MGLL: variants seen among roughly 807,000 people sequenced by gnomAD.
MGLL encodes lysophospholipase homolog.
A neutral mutation model predicts 29.1 loss-of-function variants in MGLL; 7 were observed. That is an observed-to-expected ratio of 0.24 (90% confidence interval 0.14 to 0.45). The LOEUF is 0.45. Among genes scored for constraint, MGLL ranks in the 20% least tolerant of loss-of-function variants. MGLL has a pLI of 0.99. For synonymous variants in MGLL, 148 were observed against 168.3 expected, an observed-to-expected ratio of 0.88 and a Z score of 0.93; for missense variants, 356 against 413.6, an observed-to-expected ratio of 0.86 and a Z score of 1.21.
intron 6 of MGLL, 47 bp downstream of exon 6, chr3:127,710,529 G>T: frequency 6.9e-7 from 1 of 1,443,652 alleles, no homozygotes; most frequent in South Asian, 1.2e-5. Context: ...GATTCCCCAT[G>T]GGGGCAGCCA....
chr3:127,780,413 C>T (rs1485469743), intron 3 of MGLL, among the ~76,000 whole-genome samples: 1 of 152,178 alleles, frequency 6.6e-6, no homozygotes, highest in East Asian at 1.9e-4. Flanking sequence ...CTATCTGAGG[C>T]TTTTACATGT....
At chr3:127,706,720 A>G (rs920734090) in intron 6 of MGLL, among the ~76,000 whole-genome samples, 6 of 152,196 alleles carry the variant, frequency 3.9e-5, no homozygotes, top group African/African-American at 1.2e-4. Flanking sequence ...GGGGAATGTA[A>G]GTGATGAACG....
intron 2 of MGLL, among the ~76,000 whole-genome samples, chr3:127,806,428 G>A (rs142615300): frequency 6.6e-6 from 1 of 152,314 alleles, no homozygotes; most frequent in East Asian, 1.9e-4. Context: ...TGGATGGATG[G>A]GTGGATTGGT....
intron 7 of MGLL, among the ~76,000 whole-genome samples, chr3:127,694,577 G>A (rs1228707609): frequency 1.3e-5 from 2 of 152,006 alleles, no homozygotes; most frequent in Admixed American, 6.6e-5. Flanking sequence ...GAGCCCTCTG[G>A]TGGCCATGGC....
At chr3:127,716,978 A>G (rs1010149789) in intron 5 of MGLL, among the ~76,000 whole-genome samples, 3 of 152,142 alleles carry the variant, frequency 2.0e-5, no homozygotes, top group African/African-American at 7.2e-5. Context: ...TTCCTGATAG[A>G]TCAGGGGCTC....
chr3:127,812,278 GA>G (rs2077675958), intron 2 of MGLL, among the ~76,000 whole-genome samples: 1 of 152,176 alleles, frequency 6.6e-6, no homozygotes, highest in Non-Finnish European at 1.5e-5. Context: ...CCACATAAAA[GA>G]AAAGTGTTGA....
chr3:127,736,820 G>A (rs1183156096), intron 3 of MGLL, among the ~76,000 whole-genome samples: 1 of 152,056 alleles, frequency 6.6e-6, no homozygotes, highest in Admixed American at 6.6e-5. Context: ...TCAGCTTCCC[G>A]AGTAACTGGG....
intron 5 of MGLL, among the ~76,000 whole-genome samples, chr3:127,718,034 A>T (rs893294): frequency 0.28 from 43,162 of 152,054 alleles, 6,423 homozygotes; most frequent in Middle Eastern, 0.43. Context: ...CCCCCCATCC[A>T]TCCTCATTGT....
rs953016070 is a variant in MGLL, at chr3:127,812,502, G to T, written c.155+9192C>A. ...GTGAGTAACCTGAGGCCTGGGGAAA[G>T]CCTGTGGCCTGGTGTGGTGAGGGCA... On this transcript the variant is annotated intron_variant, in intron 2 of 7. Transcript: ENST00000265052. 9.2e-5 allele frequency among the ~76,000 whole-genome samples: 14 copies of T among 152,236 alleles called. No individual in the cohort carries two copies. The East Asian group carries it at 2.7e-3, about 29-fold the overall frequency.
In MGLL at chr3:127,694,286, A is replaced by AAAAAT. The variant is rs1174705130; in HGVS notation, c.816+688_816+689insATTTT. ...CTCTGTCTGAAAAAAAAAAAAAAAA[A>AAAAAT]ATATATATATATATATATATATGTA... On this transcript the variant is annotated intron_variant, in intron 7 of 7. Coordinates refer to ENST00000265052, the MANE Select transcript of MGLL (RefSeq NM_007283.7). Among the ~76,000 whole-genome samples, 90 of 97,882 alleles carry AAAAAT rather than the reference A, an allele frequency of 9.2e-4. 2 individuals carry two copies. Among genetic ancestry groups the AAAAAT allele is most frequent in the Non-Finnish European group, 5.8e-4 (30 of 52,002 alleles). 64.2% of individuals were successfully genotyped at this position (97,882 alleles called of 152,430 possible).
chr3:127,696,121 C>G (rs1330710439), intron 6 of MGLL, among the ~76,000 whole-genome samples: 1 of 152,204 alleles, frequency 6.6e-6, no homozygotes, highest in East Asian at 1.9e-4. Flanking sequence ...GACGCCCTGA[C>G]AGGCTGTGCC....
intron 3 of MGLL, among the ~76,000 whole-genome samples, chr3:127,747,292 C>T (rs961929861): frequency 6.6e-6 from 1 of 152,152 alleles, no homozygotes; most frequent in Non-Finnish European, 1.5e-5. Flanking sequence ...CACACCTGCT[C>T]CATCTGAAAC....
Position 127,690,951 on chromosome 3 carries a change from G to C in MGLL, c.*1247C>G, listed in dbSNP as rs1415163403. 6.5e-6 allele frequency: 1 copy of C among 152,940 alleles called. No individual in the cohort carries two copies. Among genetic ancestry groups the C allele is most frequent in the African/African-American group, 2.4e-5 (1 of 41,456 alleles). 9.5% of individuals were successfully genotyped at this position (152,940 alleles called of 1,614,324 possible). A position where few individuals can be genotyped will look rare whatever the true frequency, so the allele number is the denominator to read the frequency against. Reference sequence around the variant, plus strand: ...TGTGGCCTGGGGCAGGGCTGGGGGTGCCTCCAGTCCCTGCTCTGGGTCACC... The same window carrying C: ...TGTGGCCTGGGGCAGGGCTGGGGGTCCCTCCAGTCCCTGCTCTGGGTCACC... On this transcript the variant is annotated 3_prime_UTR_variant, in exon 8 of 8. Coordinates refer to ENST00000265052, the MANE Select transcript of MGLL (RefSeq NM_007283.7).
intron 2 of MGLL, among the ~76,000 whole-genome samples, chr3:127,813,196 C>G (rs920653522): frequency 2.0e-5 from 3 of 152,030 alleles, no homozygotes; most frequent in Non-Finnish European, 4.4e-5. Flanking sequence ...CCCTGCTTCC[C>G]TCCTTTTTGT....
intron 3 of MGLL, among the ~76,000 whole-genome samples, chr3:127,766,851 A>T (rs1448450411): frequency 6.6e-6 from 1 of 152,154 alleles, no homozygotes; most frequent in Non-Finnish European, 1.5e-5. Context: ...TGGGCGTATC[A>T]CTTGAGGTCA....
chr3:127,738,921 C>T (rs373931646), intron 3 of MGLL, among the ~76,000 whole-genome samples: 43 of 152,352 alleles, frequency 2.8e-4, no homozygotes, highest in African/African-American at 8.9e-4. Context: ...TACGGCCACA[C>T]GCAACCAGTG....
chr3:127,727,762 C>T (rs1417714569), intron 3 of MGLL, among the ~76,000 whole-genome samples: 1 of 145,302 alleles, frequency 6.9e-6, no homozygotes, highest in East Asian at 2.0e-4. Context: ...AAAGTTTTCT[C>T]TTACCTTCTT....
intron 2 of MGLL, chr3:127,791,093 A>G (rs1377182543): frequency 1.3e-5 from 2 of 152,198 alleles, no homozygotes; most frequent in African/African-American, 4.8e-5. Context: ...GCGTCTGAGG[A>G]GGCTTCCTCT....
At chr3:127,766,798 C>A (rs1444623683) in intron 3 of MGLL, among the ~76,000 whole-genome samples, 1 of 152,166 alleles carries the variant, frequency 6.6e-6, no homozygotes, top group Admixed American at 6.5e-5. Flanking sequence ...CGGCCGGGGA[C>A]AGTGGCTCAC....
Sources: allele counts gnomAD v4.1 joint callset (sites outside exome capture counted in the v4.1 genomes callset), GRCh38; gene constraint gnomAD v4.1.1; transcripts MANE v1.5; gene names NCBI Gene and HGNC (gene_info 2026-07-23, HGNC 2026-07-21).